Variants in ZFR observed in about 807,000 individuals in gnomAD.
The protein encoded by ZFR is zinc finger RNA binding protein.
Under a neutral mutation model 130.7 loss-of-function variants are expected in ZFR, and 19 were observed. The observed-to-expected ratio is 0.15, with a 90% CI of 0.10 to 0.21. The LOEUF (loss-of-function observed/expected upper bound fraction) is 0.21. ZFR is among the 10% of genes least tolerant of loss of function. The pLI, the probability that ZFR is intolerant of heterozygous loss-of-function variation, is 1.00. For synonymous variants in ZFR, 466 were observed against 456.9 expected, an observed-to-expected ratio of 1.02 and a Z score of -0.25; for missense variants, 872 against 1,321.5, an observed-to-expected ratio of 0.66 and a Z score of 5.27.
intron 2 of ZFR, among the ~76,000 whole-genome samples, chr5:32,439,697 T>C (rs989236459): frequency 2.6e-5 from 4 of 151,576 alleles, no homozygotes; most frequent in Non-Finnish European, 5.9e-5. Flanking sequence ...TCCCAGCACC[T>C]TGGAAGCCCA....
At chr5:32,368,582 C>G (rs1377518827) in intron 17 of ZFR, among the ~76,000 whole-genome samples, 1 of 152,148 alleles carries the variant, frequency 6.6e-6, no homozygotes, top group Non-Finnish European at 1.5e-5. Context: ...AATGGCAGTA[C>G]TAAGATTTAC....
Position 32,438,251 on chromosome 5 carries a change from AAATTTTTTTT to A in ZFR, c.137+5968_137+5977del, listed in dbSNP as rs1307185900. ...CAAGAATGCTACTGATTTTATCTGA[AAATTTTTTTT>A]TTTTTTTTTTTTTTTTTTTGAGACG... On this transcript the variant is annotated intron_variant, in intron 2 of 19. Transcript: ENST00000265069. 3.5e-4 allele frequency among the ~76,000 whole-genome samples: 12 copies of A among 34,662 alleles called. 1 individual carries two copies. Among genetic ancestry groups the A allele is most frequent in the East Asian group, 1.3e-3 (1 of 800 alleles). The allele number at this position is 34,662 out of a possible 152,430, so 22.7% of individuals were successfully genotyped here.
At chr5:32,423,505 T>C (rs975921615) in intron 2 of ZFR, among the ~76,000 whole-genome samples, 3 of 151,826 alleles carry the variant, frequency 2.0e-5, no homozygotes, top group African/African-American at 4.8e-5. Context: ...TTTGTATCTA[T>C]AAAACAAGAA....
chr5:32,437,383 T>C (rs1464212707), intron 2 of ZFR, among the ~76,000 whole-genome samples: 1 of 152,136 alleles, frequency 6.6e-6, no homozygotes, highest in East Asian at 1.9e-4. Context: ...TAATATAAAG[T>C]GTATACAAGA....
chr5:32,370,058 C>T (rs979039230), intron 17 of ZFR, among the ~76,000 whole-genome samples: 20 of 149,128 alleles, frequency 1.3e-4, no homozygotes, highest in African/African-American at 5.0e-4. Flanking sequence ...ACTTAGCATA[C>T]TGTTTTCAAC....
intron 4 of ZFR, among the ~76,000 whole-genome samples, chr5:32,415,883 C>T (rs1753815761): frequency 6.6e-6 from 1 of 151,868 alleles, no homozygotes; most frequent in Non-Finnish European, 1.5e-5. Flanking sequence ...CACTAAAGCA[C>T]ATAAATGTTA....
chr5:32,418,017 T>G (rs1753865243), intron 3 of ZFR, among the ~76,000 whole-genome samples: 1 of 152,130 alleles, frequency 6.6e-6, no homozygotes. Context: ...TCCCAGCACT[T>G]TGGGAGGCCA....
chr5:32,378,084 G>GT (rs1221445009), intron 17 of ZFR, among the ~76,000 whole-genome samples: 1 of 152,120 alleles, frequency 6.6e-6, no homozygotes, highest in South Asian at 2.1e-4. Flanking sequence ...TAGTCTAATA[G>GT]TTTTTTTGAA....
In ZFR at chr5:32,363,948, C is replaced by T; in HGVS notation, c.3045G>A (p.Gln1015=). 1 of 1,612,220 alleles carries T rather than the reference C, an allele frequency of 6.2e-7. No homozygotes were observed. Among genetic ancestry groups the T allele is most frequent in the South Asian group, 1.1e-5 (1 of 90,978 alleles). ...GCTCTGAATTTAGGAATACCAGTAC[C>T]TGTGCACTGGATGTGATGTCTTCAC... ...QQREDITSSA[Q]FALRLLAFRQ... Residue 1015 remains glutamine (Q), a splice_region_variant and synonymous_variant, in exon 19 of 20, where the codon CAG becomes CAA. Transcript: ENST00000265069.
At chr5:32,398,248 T>C (rs1294019139) in intron 9 of ZFR, among the ~76,000 whole-genome samples, 1 of 152,234 alleles carries the variant, frequency 6.6e-6, no homozygotes, top group Non-Finnish European at 1.5e-5. Flanking sequence ...TACTGAATAA[T>C]TGCTGCTGGC....
At chr5:32,385,730 C>T (rs1382329255) in intron 14 of ZFR, 81 bp from the exon 15 acceptor site, 1 of 1,505,252 alleles carries the variant, frequency 6.6e-7, no homozygotes, top group Non-Finnish European at 9.1e-7. Context: ...CTCTTTCACT[C>T]TCTTACTACC....
At chr5:32,420,405 A>C (rs905155099) in intron 2 of ZFR, among the ~76,000 whole-genome samples, 2 of 152,218 alleles carry the variant, frequency 1.3e-5, no homozygotes, top group Non-Finnish European at 2.9e-5. Flanking sequence ...TAGGATAAAA[A>C]ACAGTATTAG....
chr5:32,405,744 G>C (rs1220738318), intron 6 of ZFR, among the ~76,000 whole-genome samples: 2 of 152,076 alleles, frequency 1.3e-5, no homozygotes, highest in East Asian at 3.8e-4. Context: ...TGCCACACCT[G>C]CCTCCCGTCA....
chr5:32,404,523 TC>T (rs1348020566), intron 6 of ZFR, among the ~76,000 whole-genome samples: 1 of 152,220 alleles, frequency 6.6e-6, no homozygotes, highest in Non-Finnish European at 1.5e-5. Flanking sequence ...GGAACAAGAT[TC>T]TTTACAAACA....
At chr5:32,415,900 A>G (rs1410161327) in intron 4 of ZFR, among the ~76,000 whole-genome samples, 1 of 129,180 alleles carries the variant, frequency 7.7e-6, no homozygotes, top group Non-Finnish European at 1.7e-5. Context: ...GTTATTTCTG[A>G]AAAAGGCCCA....
intron 17 of ZFR, among the ~76,000 whole-genome samples, chr5:32,370,726 A>ACTTATAAAGTACTTTATAAGT (rs1561864434): frequency 1.3e-5 from 2 of 152,220 alleles, no homozygotes; most frequent in Admixed American, 1.3e-4. Context: ...TACTGCAGTT[A>ACTTATAAAGTACTTTATAAGT]TACTATTCTA....
chr5:32,429,009 G>A (rs1464935451), intron 2 of ZFR, among the ~76,000 whole-genome samples: 4 of 114,588 alleles, frequency 3.5e-5, no homozygotes, highest in East Asian at 2.6e-4. Context: ...TTTTTGAGAC[G>A]GAGTCTTGCT....
At chr5:32,359,805 C>T (rs770698843) in intron 19 of ZFR, among the ~76,000 whole-genome samples, 5 of 151,980 alleles carry the variant, frequency 3.3e-5, no homozygotes, top group Non-Finnish European at 7.4e-5. Flanking sequence ...AAAAAGTAGC[C>T]GGGGGGTGGT....
intron 3 of ZFR, 56 bp downstream of exon 3, chr5:32,419,765 C>T (rs1753911236): frequency 2.6e-6 from 4 of 1,529,646 alleles, no homozygotes; most frequent in African/African-American, 1.4e-5. Context: ...TTACATTATA[C>T]ACTGAAGACA....
Sources: gnomAD v4.1 joint callset for allele counts (sites outside exome capture counted in the v4.1 genomes callset) on GRCh38, gnomAD v4.1.1 for gene constraint, MANE v1.5 for transcripts, NCBI Gene and HGNC (gene_info 2026-07-23, HGNC 2026-07-21) for gene names.